Variants in MECOM observed in about 807,000 individuals in gnomAD.
The protein encoded by MECOM is MDS1 and EVI1 complex locus.
MECOM carries 13 observed loss-of-function variants against 116.3 expected under a neutral mutation model. The observed-to-expected ratio is 0.11, with a 90% CI of 0.07 to 0.18. The LOEUF (loss-of-function observed/expected upper bound fraction) is 0.18. Among genes scored for constraint, MECOM ranks in the 10% least tolerant of loss-of-function variants. The pLI, the probability that MECOM is intolerant of heterozygous loss-of-function variation, is 1.00. For synonymous variants in MECOM, 528 were observed against 535.2 expected (o/e 0.99, Z 0.19); for missense variants, 1,299 against 1,509.0 (o/e 0.86, Z 2.31).
At chr3:169,565,946 G>C (rs1316317084) in intron 1 of MECOM, 2 of 445,508 alleles carry the variant, frequency 4.5e-6, no homozygotes, top group Non-Finnish European at 9.0e-6. Context: ...AATTTATAAA[G>C]AAAAAAGGTT....
rs60302997 is a variant in MECOM, at chr3:169,499,346, C to CAAAA, written c.38-117826_38-117823dup. Among the ~76,000 whole-genome samples, 22 of 51,582 alleles carry CAAAA rather than the reference C, an allele frequency of 4.3e-4. 3 individuals carry two copies. Among genetic ancestry groups the CAAAA allele is most frequent in the South Asian group, 1.9e-3 (2 of 1,054 alleles). The allele number at this position is 51,582 out of a possible 152,430, so 33.8% of individuals were successfully genotyped here. A position where few individuals can be genotyped will look rare whatever the true frequency, so the allele number is the denominator to read the frequency against. ...GCAGAGAGAAAAGACAGATTACCCACAAAAAAAAAAAAAAAAAAAAAAAAA... is the reference window on the plus strand; with the variant it reads ...GCAGAGAGAAAAGACAGATTACCCACAAAAAAAAAAAAAAAAAAAAAAAAAAAAA... On this transcript the variant is annotated intron_variant, in intron 1 of 16. Coordinates refer to ENST00000651503, the MANE Select transcript of MECOM (RefSeq NM_004991.4).
intron 2 of MECOM, among the ~76,000 whole-genome samples, chr3:169,180,907 T>C (rs1350624030): frequency 6.6e-6 from 1 of 150,642 alleles, no homozygotes; most frequent in Non-Finnish European, 1.5e-5. Flanking sequence ...TATCAACACT[T>C]CTAAGGAGAT....
intron 1 of MECOM, among the ~76,000 whole-genome samples, chr3:169,432,612 A>C (rs909133918): frequency 6.6e-6 from 1 of 152,226 alleles, no homozygotes; most frequent in Non-Finnish European, 1.5e-5. Context: ...AAGGTTCATC[A>C]TGTGGATAAA....
chr3:169,330,864 C>A (rs1392984607), intron 2 of MECOM, among the ~76,000 whole-genome samples: 1 of 151,890 alleles, frequency 6.6e-6, no homozygotes, highest in East Asian at 1.9e-4. Context: ...CTCTTATGCA[C>A]AGACCCTAAA....
At chr3:169,271,429 A>G (rs6799444) in intron 2 of MECOM, among the ~76,000 whole-genome samples, 39,679 of 152,250 alleles carry the variant, frequency 0.26, 11,307 homozygotes, top group African/African-American at 0.71. Flanking sequence ...AGAAAGCCAC[A>G]AAAGGAAAAG....
chr3:169,529,986 A>G (rs751499909), intron 1 of MECOM, among the ~76,000 whole-genome samples: 24 of 152,246 alleles, frequency 1.6e-4, no homozygotes, highest in Non-Finnish European at 1.0e-4. Flanking sequence ...GTACAGTACA[A>G]TATGATAGGG....
intron 1 of MECOM, among the ~76,000 whole-genome samples, chr3:169,495,830 A>G (rs986433583): frequency 2.6e-5 from 4 of 152,224 alleles, no homozygotes; most frequent in African/African-American, 9.6e-5. Flanking sequence ...GCCGCTTACT[A>G]GCTGAAAACT....
chr3:169,584,981 T>C (rs530882272), intron 1 of MECOM, among the ~76,000 whole-genome samples: 19 of 152,358 alleles, frequency 1.2e-4, no homozygotes, highest in African/African-American at 4.3e-4. Flanking sequence ...ACGAGAATGA[T>C]GCTGACTAGT....
intron 2 of MECOM, among the ~76,000 whole-genome samples, chr3:169,243,319 T>C (rs150224168): frequency 3.3e-5 from 5 of 152,292 alleles, no homozygotes; most frequent in African/African-American, 1.2e-4. Flanking sequence ...CCCAGAAACA[T>C]GGAACACAGG....
intron 9 of MECOM, among the ~76,000 whole-genome samples, chr3:169,111,014 C>T (rs1168382396): frequency 6.6e-6 from 1 of 152,062 alleles, no homozygotes; most frequent in African/African-American, 2.4e-5. Context: ...AAATATATAC[C>T]TACTACATTG....
chr3:169,451,121 C>A (rs541540332), intron 1 of MECOM, among the ~76,000 whole-genome samples: 2 of 152,132 alleles, frequency 1.3e-5, no homozygotes, highest in East Asian at 3.9e-4. Flanking sequence ...AACAGCCCTT[C>A]AACAGGGATA....
At chr3:169,345,882 T>G (rs1239537181) in intron 2 of MECOM, among the ~76,000 whole-genome samples, 1 of 152,160 alleles carries the variant, frequency 6.6e-6, no homozygotes, top group Admixed American at 6.6e-5. Context: ...ACCTCTGTGC[T>G]ATCTAGAGTC....
At chr3:169,345,285 T>C (rs1209504886) in intron 2 of MECOM, among the ~76,000 whole-genome samples, 1 of 152,084 alleles carries the variant, frequency 6.6e-6, no homozygotes. Context: ...TTCTGGCGTA[T>C]TTGTAAAGCA....
intron 2 of MECOM, among the ~76,000 whole-genome samples, chr3:169,367,361 T>TGG (rs1421056145): frequency 4.0e-5 from 6 of 151,354 alleles, no homozygotes; most frequent in Non-Finnish European, 8.8e-5. Flanking sequence ...TTTTTTTTTG[T>TGG]GGGGGTAGGC....
chr3:169,098,263 A>G (rs1404962633), intron 12 of MECOM, among the ~76,000 whole-genome samples: 2 of 152,144 alleles, frequency 1.3e-5, no homozygotes, highest in Non-Finnish European at 2.9e-5. Flanking sequence ...CTGATCTATG[A>G]TCCCACATTG....
chr3:169,602,474 A>G (rs1039354741), intron 1 of MECOM, among the ~76,000 whole-genome samples: 4 of 152,106 alleles, frequency 2.6e-5, no homozygotes, highest in African/African-American at 4.8e-5. Flanking sequence ...CCTCAGCACT[A>G]TTGGCATTTT....
At chr3:169,157,618 T>C (rs1742183576) in intron 2 of MECOM, among the ~76,000 whole-genome samples, 1 of 152,236 alleles carries the variant, frequency 6.6e-6, no homozygotes, top group Non-Finnish European at 1.5e-5. Context: ...TTTGAAAATA[T>C]CTTTCTGTAA....
intron 1 of MECOM, among the ~76,000 whole-genome samples, chr3:169,622,799 A>C (rs1770913631): frequency 6.6e-6 from 1 of 152,210 alleles, no homozygotes; most frequent in South Asian, 2.1e-4. Context: ...AGATAGTATA[A>C]TATAGTGGTT....
At chr3:169,531,944 G>A (rs1253689990) in intron 1 of MECOM, among the ~76,000 whole-genome samples, 3 of 152,162 alleles carry the variant, frequency 2.0e-5, no homozygotes, top group Non-Finnish European at 4.4e-5. Flanking sequence ...TCACAATCCT[G>A]ACTTAGCCAC....
Sources: allele counts gnomAD v4.1 joint callset (sites outside exome capture counted in the v4.1 genomes callset), GRCh38; gene constraint gnomAD v4.1.1; transcripts MANE v1.5; gene names NCBI Gene and HGNC (gene_info 2026-07-23, HGNC 2026-07-21).